Variants in KCNQ5 observed in about 807,000 individuals in gnomAD.
The protein encoded by KCNQ5 is potassium voltage-gated channel subfamily Q member 5, also known as potassium voltage-gated channel subfamily KQT member 5.
KCNQ5 carries 30 observed loss-of-function variants against 98.2 expected under a neutral mutation model. The observed-to-expected ratio is 0.31, with a 90% CI of 0.23 to 0.41. The LOEUF is 0.41. Ranked by LOEUF, KCNQ5 falls within the 10% of genes least tolerant of loss-of-function variation. KCNQ5 has a pLI of 1.00. For synonymous variants in KCNQ5, 458 were observed against 449.4 expected, an observed-to-expected ratio of 1.02 and a Z score of -0.24; for missense variants, 835 against 1,182.5, an observed-to-expected ratio of 0.71 and a Z score of 4.31.
At chr6:72,682,844 AC>A (rs1767772791) in intron 1 of KCNQ5, among the ~76,000 whole-genome samples, 1 of 152,146 alleles carries the variant, frequency 6.6e-6, no homozygotes, top group Admixed American at 6.5e-5. Flanking sequence ...GAAGGGAAAG[AC>A]CTAATCTGCT....
At chr6:72,869,206 GA>G (rs1331749125) in intron 1 of KCNQ5, among the ~76,000 whole-genome samples, 2 of 152,134 alleles carry the variant, frequency 1.3e-5, no homozygotes, top group African/African-American at 4.8e-5. Context: ...TCTGATAAGA[GA>G]AAAACACCCA....
intron 1 of KCNQ5, among the ~76,000 whole-genome samples, chr6:72,738,395 C>A (rs1770961612): frequency 6.6e-6 from 1 of 151,936 alleles, no homozygotes; most frequent in Non-Finnish European, 1.5e-5. Context: ...AAATTATTCT[C>A]TAAATTACTA....
intron 1 of KCNQ5, among the ~76,000 whole-genome samples, chr6:72,834,906 C>T (rs1333863444): frequency 3.9e-5 from 6 of 152,058 alleles, no homozygotes; most frequent in Non-Finnish European, 5.9e-5. Flanking sequence ...TCCAGCTGCC[C>T]TTCCTCCACA....
At chr6:73,194,005 T>A (rs1765693642) in intron 13 of KCNQ5, among the ~76,000 whole-genome samples, 1 of 151,902 alleles carries the variant, frequency 6.6e-6, no homozygotes, top group Admixed American at 6.6e-5. Flanking sequence ...CCTGGCTGAT[T>A]TTTGTATTAT....
At chr6:73,017,317 G>C (rs1256068633) in intron 2 of KCNQ5, among the ~76,000 whole-genome samples, 4 of 151,946 alleles carry the variant, frequency 2.6e-5, no homozygotes, top group Non-Finnish European at 5.9e-5. Context: ...CCCACTTTAG[G>C]ACATATCCAC....
intron 1 of KCNQ5, among the ~76,000 whole-genome samples, chr6:72,767,992 A>G (rs1475526110): frequency 1.3e-5 from 2 of 152,090 alleles, no homozygotes; most frequent in African/African-American, 2.4e-5. Context: ...ACTAATAGAC[A>G]TATATCCAAG....
At chr6:73,032,044 A>G (rs1053804095) in intron 2 of KCNQ5, among the ~76,000 whole-genome samples, 3 of 152,216 alleles carry the variant, frequency 2.0e-5, no homozygotes, top group African/African-American at 4.8e-5. Context: ...ACTATCTCTT[A>G]TCTTGACACA....
At chr6:72,633,967 C>A (rs752051738) in intron 1 of KCNQ5, among the ~76,000 whole-genome samples, 1 of 152,170 alleles carries the variant, frequency 6.6e-6, no homozygotes, top group Non-Finnish European at 1.5e-5. Context: ...TTCTCAACAT[C>A]AGCCTTGGCA....
At chr6:72,794,665 G>C (rs1488391481) in intron 1 of KCNQ5, among the ~76,000 whole-genome samples, 1 of 152,078 alleles carries the variant, frequency 6.6e-6, no homozygotes, top group Non-Finnish European at 1.5e-5. Context: ...AAATGCCCAG[G>C]TAAAGCTAAA....
At chr6:73,192,994 T>C (rs1018508272) in intron 13 of KCNQ5, among the ~76,000 whole-genome samples, 13 of 151,808 alleles carry the variant, frequency 8.6e-5, no homozygotes, top group African/African-American at 3.1e-4. Flanking sequence ...TCAGTTGTTT[T>C]TATTGTTTCT....
At chr6:72,945,678 C>T (rs972329264) in intron 1 of KCNQ5, among the ~76,000 whole-genome samples, 1 of 152,032 alleles carries the variant, frequency 6.6e-6, no homozygotes, top group Non-Finnish European at 1.5e-5. Flanking sequence ...TGGTCTCGAA[C>T]TTCTGGCCTC....
At chr6:72,809,574 A>G (rs1447344782) in intron 1 of KCNQ5, among the ~76,000 whole-genome samples, 2 of 152,034 alleles carry the variant, frequency 1.3e-5, no homozygotes, top group African/African-American at 4.8e-5. Flanking sequence ...ATGACACCAC[A>G]TTTTTTGAGT....
At chr6:72,684,162 A>G (rs1318571769) in intron 1 of KCNQ5, among the ~76,000 whole-genome samples, 3 of 152,194 alleles carry the variant, frequency 2.0e-5, no homozygotes, top group Admixed American at 6.5e-5. Context: ...TTAGCCTTCC[A>G]ATTCCGAATG....
intron 1 of KCNQ5, among the ~76,000 whole-genome samples, chr6:72,971,025 T>A (rs890290573): frequency 6.6e-6 from 1 of 152,202 alleles, no homozygotes; most frequent in African/African-American, 2.4e-5. Flanking sequence ...AAAGAGCTTC[T>A]GCACAGCAAA....
chr6:72,898,501 G>T (rs961219010), intron 1 of KCNQ5, among the ~76,000 whole-genome samples: 1 of 152,170 alleles, frequency 6.6e-6, no homozygotes, highest in Admixed American at 6.5e-5. Flanking sequence ...CAAAGGACAT[G>T]ATCTCATTCC....
At chr6:73,042,880 G>A (rs1332157449) in intron 3 of KCNQ5, among the ~76,000 whole-genome samples, 2 of 152,142 alleles carry the variant, frequency 1.3e-5, no homozygotes, top group African/African-American at 4.8e-5. Context: ...TTATTTAGTA[G>A]CTAAATTTGG....
intron 3 of KCNQ5, among the ~76,000 whole-genome samples, chr6:73,047,896 G>T (rs1316764317): frequency 6.6e-6 from 1 of 152,170 alleles, no homozygotes; most frequent in East Asian, 1.9e-4. Flanking sequence ...GTCCTAGAAA[G>T]AAGGCTATGG....
At chr6:72,645,643 C>T (rs1765562753) in intron 1 of KCNQ5, among the ~76,000 whole-genome samples, 1 of 152,080 alleles carries the variant, frequency 6.6e-6, no homozygotes, top group African/African-American at 2.4e-5. Context: ...GGTAGTGAGT[C>T]TCTGGGTTTG....
intron 1 of KCNQ5, among the ~76,000 whole-genome samples, chr6:72,720,701 A>G (rs780817963): frequency 1.4e-4 from 22 of 152,210 alleles, no homozygotes; most frequent in Non-Finnish European, 2.5e-4. Context: ...ATGTAGAATG[A>G]TAAGATATTT....
Sources: gnomAD v4.1 joint callset for allele counts (sites outside exome capture counted in the v4.1 genomes callset) on GRCh38, gnomAD v4.1.1 for gene constraint, MANE v1.5 for transcripts, NCBI Gene and HGNC (gene_info 2026-07-23, HGNC 2026-07-21) for gene names.